The following PTPRK variants were observed in gnomAD, a reference collection of about 807,000 sequenced individuals.
The protein encoded by PTPRK is protein tyrosine phosphatase receptor type K.
PTPRK carries 75 observed loss-of-function variants against 178.0 expected under a neutral mutation model. That is an observed-to-expected ratio of 0.42 (90% CI 0.35 to 0.51). The LOEUF is 0.51. Among genes scored for constraint, PTPRK ranks in the 20% least tolerant of loss-of-function variants. The pLI is 0.02. For synonymous variants in PTPRK, 637 were observed against 620.6 expected (o/e 1.03, Z -0.39); for missense variants, 1,441 against 1,797.8 (o/e 0.80, Z 3.59).
At chr6:128,071,796 C>T (rs1241397422) in intron 11 of PTPRK, among the ~76,000 whole-genome samples, 1 of 152,048 alleles carries the variant, frequency 6.6e-6, no homozygotes, top group African/African-American at 2.4e-5. Context: ...AAAAGTCACA[C>T]TAGTCCATGT....
chr6:128,436,948 T>C (rs2128398037), intron 1 of PTPRK, among the ~76,000 whole-genome samples: 1 of 152,200 alleles, frequency 6.6e-6, no homozygotes, highest in South Asian at 2.1e-4. Flanking sequence ...TTAGCGATAC[T>C]GTATTGTGCA....
intron 3 of PTPRK, among the ~76,000 whole-genome samples, chr6:128,283,795 T>TCCAAA (rs1822052430): frequency 1.3e-5 from 2 of 152,306 alleles, no homozygotes; most frequent in South Asian, 4.1e-4. Flanking sequence ...ATTTGTAGTA[T>TCCAAA]GTTATCACCA....
At chr6:128,156,445 T>C (rs1215385526) in intron 7 of PTPRK, among the ~76,000 whole-genome samples, 109 of 151,528 alleles carry the variant, frequency 7.2e-4, no homozygotes, top group Non-Finnish European at 2.4e-4. Flanking sequence ...TGGCAGAAGG[T>C]GAAGGGGAAG....
chr6:128,355,594 G>A (rs141889671), intron 2 of PTPRK, among the ~76,000 whole-genome samples: 5 of 152,230 alleles, frequency 3.3e-5, no homozygotes, highest in African/African-American at 1.2e-4. Flanking sequence ...CGAAGAAGAA[G>A]ATTCAAGTAA....
intron 13 of PTPRK, among the ~76,000 whole-genome samples, chr6:128,031,651 G>A (rs148486829): frequency 1.8e-3 from 275 of 152,182 alleles, no homozygotes; most frequent in Admixed American, 4.1e-3. Flanking sequence ...AAAAAAATCA[G>A]CTATGCTCCT....
chr6:128,403,696 A>G (rs570013124), intron 1 of PTPRK, among the ~76,000 whole-genome samples: 2 of 152,332 alleles, frequency 1.3e-5, no homozygotes, highest in African/African-American at 4.8e-5. Flanking sequence ...AAAAAGAGAA[A>G]TATGGTTTCC....
At chr6:128,452,803 T>G (rs1292627) in intron 1 of PTPRK, among the ~76,000 whole-genome samples, 1 of 152,092 alleles carries the variant, frequency 6.6e-6, no homozygotes, top group Non-Finnish European at 1.5e-5. Flanking sequence ...CTATATAGGT[T>G]TCCTGTTTTG....
intron 1 of PTPRK, among the ~76,000 whole-genome samples, chr6:128,434,117 A>G (rs1392631302): frequency 6.6e-6 from 1 of 151,996 alleles, no homozygotes; most frequent in Non-Finnish European, 1.5e-5. Flanking sequence ...CATGGATAAA[A>G]TTACTCCTGC....
chr6:128,010,316 A>C (rs1778909640), intron 13 of PTPRK, among the ~76,000 whole-genome samples: 1 of 151,266 alleles, frequency 6.6e-6, no homozygotes, highest in Non-Finnish European at 1.5e-5. Flanking sequence ...CACCCAACAC[A>C]GCACCTTGCA....
At chr6:127,996,120 T>C (rs935287092) in intron 17 of PTPRK, among the ~76,000 whole-genome samples, 4 of 152,094 alleles carry the variant, frequency 2.6e-5, no homozygotes, top group African/African-American at 9.7e-5. Flanking sequence ...ATGACTTTAT[T>C]ATCCCGTGTA....
At position 128,518,939 on chromosome 6, in the gene PTPRK, A is replaced by T. The variant is rs765385871; in HGVS notation, c.100+1320T>A. Reference sequence around the variant, plus strand: ...ATAAACGATTACTCCAGAAAACAACAATTTGAGTTTATTTCCAGGAAACAG... The same window carrying T: ...ATAAACGATTACTCCAGAAAACAACTATTTGAGTTTATTTCCAGGAAACAG... On this transcript the variant is annotated intron_variant, in intron 1 of 29. Coordinates refer to ENST00000368226, the MANE Select transcript of PTPRK (RefSeq NM_002844.4). The T allele has an allele frequency of 5.9e-4, 274 of 467,206 alleles. 1 individual carries two copies. The highest frequency in any genetic ancestry group is 6.6e-4 in the Middle Eastern group (2 of 3,030). The allele number at this position is 467,206 out of a possible 1,614,324, so 28.9% of individuals were successfully genotyped here. A position where few individuals can be genotyped will look rare whatever the true frequency, so the allele number is the denominator to read the frequency against.
At chr6:128,328,879 A>G (rs72972078) in intron 2 of PTPRK, among the ~76,000 whole-genome samples, 8,297 of 152,300 alleles carry the variant, frequency 0.054, 284 homozygotes, top group Non-Finnish European at 0.069. Context: ...ACTTTTTACA[A>G]ATCTCTTTAG....
intron 1 of PTPRK, among the ~76,000 whole-genome samples, chr6:128,514,263 C>T (rs1857597391): frequency 1.3e-5 from 2 of 152,136 alleles, no homozygotes; most frequent in South Asian, 4.1e-4. Flanking sequence ...TCTATTTTCA[C>T]TACTCTTTCC....
chr6:128,066,391 C>A (rs1781763339), intron 12 of PTPRK, among the ~76,000 whole-genome samples: 1 of 152,094 alleles, frequency 6.6e-6, no homozygotes, highest in South Asian at 2.1e-4. Context: ...ACCTACAAGC[C>A]AAGCATACAG....
At chr6:128,030,483 T>G (rs1775125043) in intron 13 of PTPRK, among the ~76,000 whole-genome samples, 1 of 152,228 alleles carries the variant, frequency 6.6e-6, no homozygotes, top group Admixed American at 6.5e-5. Context: ...ACATTATCTG[T>G]AGACGGTCCT....
intron 3 of PTPRK, among the ~76,000 whole-genome samples, chr6:128,312,406 G>T (rs1029132654): frequency 1.3e-5 from 2 of 152,260 alleles, no homozygotes; most frequent in African/African-American, 2.4e-5. Flanking sequence ...GGCTAGCCTT[G>T]GGGGAGTAGA....
In PTPRK at chr6:128,373,927, C is replaced by T. The variant is rs77686878; in HGVS notation, c.223+23639G>A. The stretch of plus-strand genomic sequence containing the variant: ...TGTTACAATTAATTGTATTCCATTT[C>T]TTACTACATAAAACAAGAAAGGGTA... On this transcript the variant is annotated intron_variant, in intron 2 of 29. Transcript: ENST00000368226. 3.6e-4 allele frequency among the ~76,000 whole-genome samples: 55 copies of T among 152,240 alleles called. No individual in the cohort carries two copies. The East Asian group carries it at 9.7e-3, about 27-fold the overall frequency.
chr6:128,212,222 A>C (rs980404955), intron 6 of PTPRK, among the ~76,000 whole-genome samples: 8 of 152,014 alleles, frequency 5.3e-5, no homozygotes, highest in African/African-American at 1.9e-4. Flanking sequence ...AAGTACTGAG[A>C]CTATGTATGC....
At position 128,519,029 on chromosome 6, in the gene PTPRK, G is replaced by A. The variant is rs1280144588; in HGVS notation, c.100+1230C>T. ...AAGTTATTTGCGTCCTGCGGCTTCA[G>A]CCAGGAGCGTGGCTGTCGCTTTTCC... On this transcript the variant is annotated intron_variant, in intron 1 of 29. Transcript: ENST00000368226. The surrounding 1 kb of genome is among the most constrained non-coding windows in gnomAD (Gnocchi z 4.3). 1 of 530,358 alleles carries A rather than the reference G, an allele frequency of 1.9e-6. No homozygotes were observed. The highest frequency in any genetic ancestry group is 5.5e-5 in the East Asian group (1 of 18,270). 32.9% of individuals were successfully genotyped at this position (530,358 alleles called of 1,614,324 possible). A position where few individuals can be genotyped will look rare whatever the true frequency, so the allele number is the denominator to read the frequency against.
Sources: allele counts gnomAD v4.1 joint callset (sites outside exome capture counted in the v4.1 genomes callset), GRCh38; gene constraint gnomAD v4.1.1; non-coding constraint Gnocchi (gnomAD v3.1); transcripts MANE v1.5; gene names NCBI Gene and HGNC (gene_info 2026-07-23, HGNC 2026-07-21).